APBA2: variants seen among roughly 807,000 people sequenced by gnomAD.
The protein encoded by APBA2 is amyloid-beta A4 precursor protein-binding family A member 2.
Under a neutral mutation model 75.0 loss-of-function variants are expected in APBA2, and 30 were observed. The ratio of observed to expected loss-of-function variants is 0.40; its 90% CI spans 0.30 to 0.54. The LOEUF is 0.54. APBA2 is among the 20% of genes least tolerant of loss of function. The probability of loss-of-function intolerance (pLI) is 0.49; values close to 1 mark genes in which losing one functional copy is unlikely to be tolerated. For synonymous variants in APBA2, 444 were observed against 409.6 expected (o/e 1.08, Z -1.01); for missense variants, 801 against 1,016.1 (o/e 0.79, Z 2.88).
intron 3 of APBA2, among the ~76,000 whole-genome samples, chr15:29,035,168 TGCTAGGCTTGGGGC>T (rs1391996871): frequency 6.6e-6 from 1 of 152,184 alleles, no homozygotes; most frequent in Non-Finnish European, 1.5e-5. Context: ...CTGCTTGGGC[TGCTAGGCTTGGGGC>T]CTGGTCACCT....
rs1319099023 is a variant in APBA2, at chr15:29,108,305, T to C, written c.1953T>C (p.Ile651=). ...LKNQTQVKLN[I]VSCPPVTTVL... is the part of the protein sequence containing the mutation. ...ACCAGACACAGGTGAAGCTCAACAT[T>C]GTCAGCTGTCCCCCGGTCACCACGG... Residue 651 remains isoleucine (I), a synonymous_variant, in exon 13 of 15, where the codon ATT becomes ATC. Coordinates refer to ENST00000683413, the MANE Select transcript of APBA2 (RefSeq NM_001353788.2). The C allele has an allele frequency of 1.9e-6, 3 of 1,613,778 alleles. No individual in the cohort carries two copies. The African/African-American group carries it at 4.0e-5, about 22-fold the overall frequency.
At chr15:29,048,488 G>A (rs1194542707) in intron 3 of APBA2, among the ~76,000 whole-genome samples, 1 of 152,178 alleles carries the variant, frequency 6.6e-6, no homozygotes, top group East Asian at 1.9e-4. Context: ...AGGGGAAGAT[G>A]ACAAAATGAG....
In APBA2 at chr15:29,084,760, C is replaced by T. The variant is rs143612403; in HGVS notation, c.1070-8315C>T. ...TTGTCCATCCGTCTCTTTTTTCTGT[C>T]TTACAAATTTTTGTTGGTGTTATTG... On this transcript the variant is annotated intron_variant, in intron 6 of 14. Transcript: ENST00000683413. Among the ~76,000 whole-genome samples, 36 of 152,218 alleles carry T rather than the reference C, an allele frequency of 2.4e-4. No individual in the cohort carries two copies. In the East Asian group the frequency reaches 6.6e-3, roughly 28 times the overall value.
intron 2 of APBA2, among the ~76,000 whole-genome samples, chr15:28,926,926 G>T (rs912866973): frequency 6.8e-6 from 1 of 146,280 alleles, no homozygotes; most frequent in Admixed American, 6.9e-5. Flanking sequence ...GTGCTATCTC[G>T]GCTCACTGCA....
intron 3 of APBA2, among the ~76,000 whole-genome samples, chr15:29,045,164 G>A (rs577714380): frequency 1.5e-4 from 21 of 144,606 alleles, no homozygotes; most frequent in East Asian, 1.3e-3. Flanking sequence ...TGCAACCTCC[G>A]CCTCCCAGGT....
At chr15:28,951,876 T>C (rs1595549710) in intron 2 of APBA2, among the ~76,000 whole-genome samples, 1 of 136,552 alleles carries the variant, frequency 7.3e-6, no homozygotes, top group Admixed American at 7.4e-5. Context: ...CCCACTGCAC[T>C]CAGCCTTTTT....
chr15:29,042,936 T>G (rs16954995), intron 3 of APBA2, among the ~76,000 whole-genome samples: 1 of 152,076 alleles, frequency 6.6e-6, no homozygotes, highest in Non-Finnish European at 1.5e-5. Context: ...TGTGTTCAGT[T>G]GCCCTCTTAT....
intron 1 of APBA2, among the ~76,000 whole-genome samples, chr15:28,890,350 C>T (rs1157802346): frequency 6.6e-6 from 1 of 152,234 alleles, no homozygotes; most frequent in African/African-American, 2.4e-5. Flanking sequence ...GCGGTCCCTG[C>T]TGCCAAAGTC....
At chr15:28,971,808 C>T (rs1177558747) in intron 2 of APBA2, among the ~76,000 whole-genome samples, 2 of 152,198 alleles carry the variant, frequency 1.3e-5, no homozygotes, top group Non-Finnish European at 2.9e-5. Context: ...ACCTCTCCCT[C>T]CCTACTGACT....
intron 3 of APBA2, among the ~76,000 whole-genome samples, chr15:28,999,626 G>A (rs1332064155): frequency 2.0e-5 from 3 of 152,128 alleles, no homozygotes; most frequent in Non-Finnish European, 4.4e-5. Context: ...GAACAATTAG[G>A]TGTTATCTAG....
intron 3 of APBA2, among the ~76,000 whole-genome samples, chr15:29,025,992 G>A (rs1232427535): frequency 6.6e-6 from 1 of 151,478 alleles, no homozygotes; most frequent in African/African-American, 2.4e-5. Flanking sequence ...GAGATGGCGG[G>A]CTGGATAACA....
At chr15:28,956,894 T>C (rs2036199586) in intron 2 of APBA2, among the ~76,000 whole-genome samples, 1 of 152,214 alleles carries the variant, frequency 6.6e-6, no homozygotes, top group Non-Finnish European at 1.5e-5. Context: ...GTGTAGCACG[T>C]GTCACAGTCT....
intron 9 of APBA2, among the ~76,000 whole-genome samples, chr15:29,099,243 C>A (rs889821318): frequency 6.6e-6 from 1 of 152,220 alleles, no homozygotes. Flanking sequence ...CATCACCCAC[C>A]TGTGCTGGGT....
At chr15:28,962,288 T>A (rs949791281) in intron 2 of APBA2, among the ~76,000 whole-genome samples, 2 of 152,026 alleles carry the variant, frequency 1.3e-5, no homozygotes, top group African/African-American at 4.8e-5. Context: ...AAGATGGGTT[T>A]CGGCTGGGCG....
At chr15:29,067,115 AAAGT>A (rs1276378801) in intron 4 of APBA2, among the ~76,000 whole-genome samples, 2 of 152,110 alleles carry the variant, frequency 1.3e-5, no homozygotes, top group African/African-American at 4.8e-5. Flanking sequence ...TTGTGCACTC[AAAGT>A]AAAACCTCAC....
intron 3 of APBA2, among the ~76,000 whole-genome samples, chr15:29,042,796 T>C (rs1003411600): frequency 2.6e-5 from 4 of 152,096 alleles, no homozygotes; most frequent in African/African-American, 7.2e-5. Context: ...ACAGATTTCT[T>C]TGTCTCTGAG....
Position 29,054,136 on chromosome 15 carries a change from G to A in APBA2, c.252G>A (p.Glu84=). The A allele has an allele frequency of 1.2e-6, 2 of 1,614,196 alleles. No homozygotes were observed. The highest frequency in any genetic ancestry group is 1.1e-5 in the South Asian group (1 of 91,082). The change falls in exon 4 of 15, where the codon GAG becomes GAA. Residue 84 remains glutamate, a synonymous_variant. Coordinates refer to ENST00000683413, the MANE Select transcript of APBA2 (RefSeq NM_001353788.2). This position sits in a 1 kb window ranked among gnomAD's most constrained non-coding sequence, Gnocchi z 6.1. ...ACGTGAACAACACCTCTGAGGAGGA[G>A]GACTATGACGAGGGCCTCCCTGAGG... The part of the protein sequence containing the change: ...SDYVNNTSEE[E]DYDEGLPEEE...
chr15:29,087,654 G>C (rs2043348800), intron 6 of APBA2, among the ~76,000 whole-genome samples: 1 of 152,182 alleles, frequency 6.6e-6, no homozygotes, highest in Non-Finnish European at 1.5e-5. Flanking sequence ...GTCGGGCCTG[G>C]AGGCCACGCC....
chr15:29,040,374 G>A (rs1470583042), intron 3 of APBA2, among the ~76,000 whole-genome samples: 7 of 152,254 alleles, frequency 4.6e-5, no homozygotes, highest in African/African-American at 1.7e-4. Context: ...AGGTGCATCT[G>A]GTAGTAGCGG....
Sources: allele counts gnomAD v4.1 joint callset (sites outside exome capture counted in the v4.1 genomes callset), GRCh38; gene constraint gnomAD v4.1.1; non-coding constraint Gnocchi (gnomAD v3.1); transcripts MANE v1.5; gene names NCBI Gene and HGNC (gene_info 2026-07-23, HGNC 2026-07-21).